Variants in BTBD1 observed in about 807,000 individuals in gnomAD.
BTBD1 encodes BTB domain containing 1.
BTBD1 carries 34 observed loss-of-function variants against 48.0 expected under a neutral mutation model. The ratio of observed to expected loss-of-function variants is 0.71; its 90% confidence interval spans 0.54 to 0.94. The LOEUF is 0.94. BTBD1 is among the 40% of genes least tolerant of loss of function. The pLI is 0.00. For synonymous variants in BTBD1, 261 were observed against 242.1 expected (o/e 1.08, Z -0.72); for missense variants, 543 against 625.6 (o/e 0.87, Z 1.41).
chr15:83,063,211 G>A (rs868206924), intron 1 of BTBD1, among the ~76,000 whole-genome samples: 2 of 152,006 alleles, frequency 1.3e-5, no homozygotes. Flanking sequence ...CTACATATTT[G>A]AAGATTCCAG....
chr15:83,066,894 GC>G lies in BTBD1; in HGVS notation c.257del (p.Gly86AlafsTer48). 2 of 1,508,800 alleles carry G rather than the reference GC, an allele frequency of 1.3e-6. No homozygotes were observed. Among genetic ancestry groups the G allele is most frequent in the Non-Finnish European group, 8.8e-7 (1 of 1,133,136 alleles). The allele number at this position is 1,508,800 out of a possible 1,614,324, so 93.5% of individuals were successfully genotyped here. On this transcript the variant is annotated frameshift_variant, in exon 1 of 8. Transcript: ENST00000261721. LOFTEE classifies it high-confidence loss of function. ...AGCGGTGGGCGGGGATGCGCTGCGG[GC>G]CCCCAGCGGCGGCGGCGCCGCGACC... ...GKGRGAAAAGGPQRIPAHRFV... is the reference protein window; with the variant it reads ...GKGRGAAAAGXPQRIPAHRFV...
chr15:83,044,764 T>C, intron 3 of BTBD1: 5 of 1,439,916 alleles, frequency 3.5e-6, no homozygotes, highest in Non-Finnish European at 4.8e-6. Flanking sequence ...TATGAAAAAG[T>C]AGAATAAAAA....
chr15:83,048,595 C>T (rs919592109), intron 3 of BTBD1, among the ~76,000 whole-genome samples: 4 of 151,984 alleles, frequency 2.6e-5, no homozygotes, highest in African/African-American at 9.7e-5. Context: ...TTCCACTTGC[C>T]GCTAATGCCC....
chr15:83,041,082 G>A (rs769126849), intron 4 of BTBD1, among the ~76,000 whole-genome samples: 24 of 151,186 alleles, frequency 1.6e-4, no homozygotes, highest in African/African-American at 9.7e-5. Context: ...AGCCTGGGAG[G>A]TGGAGGCTTC....
At chr15:83,062,660 G>T (rs1045292052) in intron 1 of BTBD1, among the ~76,000 whole-genome samples, 3 of 152,152 alleles carry the variant, frequency 2.0e-5, no homozygotes, top group African/African-American at 7.2e-5. Flanking sequence ...ATCTGCATGG[G>T]TATAAAACAT....
Position 83,056,379 on chromosome 15 carries a change from A to C in BTBD1, c.558+10T>G, listed in dbSNP as rs779719939. 7 of 1,602,772 alleles carry C rather than the reference A, an allele frequency of 4.4e-6. No homozygotes were observed. The African/African-American group carries it at 6.7e-5, about 15-fold the overall frequency. On this transcript the variant is annotated intron_variant, in intron 2 of 7. Transcript: ENST00000261721. ...CTACAATGATACATACCTTAGCTAC[A>C]TTTACTTACCTGAGTAAGTAACATA...
intron 2 of BTBD1, among the ~76,000 whole-genome samples, chr15:83,052,089 TG>T (rs2032998739): frequency 6.6e-6 from 1 of 152,118 alleles, no homozygotes; most frequent in African/African-American, 2.4e-5. Flanking sequence ...CCTGAGTAGC[TG>T]GGACCACAGG....
intron 1 of BTBD1, among the ~76,000 whole-genome samples, chr15:83,065,944 G>C (rs551128130): frequency 2.6e-5 from 4 of 152,170 alleles, no homozygotes; most frequent in Admixed American, 2.0e-4. Context: ...GTCTGTTTTC[G>C]TATTTACTTT....
At position 83,027,601 on chromosome 15, in the gene BTBD1, C is replaced by T. The variant is rs1303174007; in HGVS notation, c.1055+2535G>A. ...GAAAGTAGAGCCTTGCCTTGTTCAG[C>T]CACAGCTGGAAACGTGCTGGTCTGG... On this transcript the variant is annotated intron_variant, in intron 5 of 7. Coordinates refer to ENST00000261721, the MANE Select transcript of BTBD1 (RefSeq NM_025238.4). Among the ~76,000 whole-genome samples, 19 of 152,236 alleles carry T rather than the reference C, an allele frequency of 1.2e-4. 1 individual carries two copies. In the South Asian group the frequency reaches 3.1e-3, roughly 25 times the overall value.
intron 4 of BTBD1, among the ~76,000 whole-genome samples, chr15:83,034,460 AAAATTTAGCAGGGTGTGG>A (rs2032587091): frequency 6.6e-6 from 1 of 152,116 alleles, no homozygotes; most frequent in Non-Finnish European, 1.5e-5. Context: ...CTAAAAATAC[AAAATTTAGCAGGGTGTGG>A]TGGTGCACAC....
chr15:83,060,347 G>A (rs547125568), intron 1 of BTBD1, among the ~76,000 whole-genome samples: 29 of 150,000 alleles, frequency 1.9e-4, no homozygotes, highest in African/African-American at 6.4e-4. Context: ...ACAATTCTTC[G>A]TATTTTAAAG....
chr15:83,059,539 C>G lies in BTBD1; in HGVS notation c.402-2994G>C, dbSNP rs971509955. On this transcript the variant is annotated intron_variant, in intron 1 of 7. Coordinates refer to ENST00000261721, the MANE Select transcript of BTBD1 (RefSeq NM_025238.4). ...CAGCCTGGGCGACAGAGCAAGACTCCGTCTCAAAAACAACAACAACAACAA... is the reference window on the plus strand; with the variant it reads ...CAGCCTGGGCGACAGAGCAAGACTCGGTCTCAAAAACAACAACAACAACAA... Among the ~76,000 whole-genome samples, 18 of 152,230 alleles carry G rather than the reference C, an allele frequency of 1.2e-4. No homozygotes were observed. In the East Asian group the frequency reaches 3.3e-3, roughly 28 times the overall value.
At chr15:83,064,903 T>C (rs2033234741) in intron 1 of BTBD1, among the ~76,000 whole-genome samples, 2 of 152,168 alleles carry the variant, frequency 1.3e-5, no homozygotes, top group Admixed American at 6.5e-5. Flanking sequence ...ACAGAAAATA[T>C]CAGAAACAAA....
chr15:83,020,647 T>C, intron 6 of BTBD1, 28 bp downstream of exon 6: 4 of 1,373,066 alleles, frequency 2.9e-6, no homozygotes, highest in Non-Finnish European at 4.1e-6. Context: ...TATTTCAAAA[T>C]GATATATGGT....
chr15:83,056,398 T>C lies in BTBD1; in HGVS notation c.549A>G (p.Leu183=). Residue 183 remains leucine, a synonymous_variant, in exon 2 of 8, where the codon TTA becomes TTG. Transcript: ENST00000261721. ...KHLRADNAFM[L]LTQARLFDEP... is the part of the protein sequence containing the mutation. ...AGCTACATTTACTTACCTGAGTAAGTAACATAAAGGCATTATCTGCCCTAA... is the reference window on the plus strand; with the variant it reads ...AGCTACATTTACTTACCTGAGTAAGCAACATAAAGGCATTATCTGCCCTAA... The C allele has an allele frequency of 1.9e-6, 3 of 1,612,948 alleles. No individual in the cohort carries two copies. Among genetic ancestry groups the C allele is most frequent in the Non-Finnish European group, 1.7e-6 (2 of 1,178,982 alleles).
Position 83,018,137 on chromosome 15 carries a change from C to T in BTBD1, c.1379G>A (p.Ser460Asn), listed in dbSNP as rs757330656. The change falls in exon 8 of 8, where the codon AGT becomes AAT. Residue 460 changes from serine to asparagine, a missense_variant. Coordinates refer to ENST00000261721, the MANE Select transcript of BTBD1 (RefSeq NM_025238.4). ...AASKTVFFFF[S>N]SPGNNNGTSI... ...AGTGCCATTATTATTGCCAGGGGAACTAAAAAAGAAAAAAACAGTCTTGCT... is the reference window on the plus strand; with the variant it reads ...AGTGCCATTATTATTGCCAGGGGAATTAAAAAAGAAAAAAACAGTCTTGCT... The T allele has an allele frequency of 2.5e-6, 4 of 1,611,828 alleles. No homozygotes were observed. In the South Asian group the frequency reaches 4.4e-5, roughly 18 times the overall value.
chr15:83,039,570 C>T (rs1478021789), intron 4 of BTBD1, among the ~76,000 whole-genome samples: 3 of 151,934 alleles, frequency 2.0e-5, no homozygotes, highest in Non-Finnish European at 4.4e-5. Context: ...GTCAACAGTT[C>T]AAGACCAGCC....
At chr15:83,043,295 G>T (rs765077752) in intron 3 of BTBD1, among the ~76,000 whole-genome samples, 11 of 152,178 alleles carry the variant, frequency 7.2e-5, no homozygotes, top group Non-Finnish European at 1.3e-4. Flanking sequence ...AGTGTGCCTG[G>T]CATATCTGAG....
chr15:83,066,782 C>A lies in BTBD1; in HGVS notation c.370G>T (p.Val124Leu). Residue 124 changes from valine (V) to leucine (L), a missense_variant, in exon 1 of 8, where the codon GTG (valine) becomes TTG (leucine). Physicochemically the swap from Val to Leu is conservative, Grantham distance 32. Around this residue, in one of 3 missense-constraint regions of BTBD1, gnomAD observed 70 missense variants for 111.7 expected, o/e 0.63. Coordinates refer to ENST00000261721, the MANE Select transcript of BTBD1 (RefSeq NM_025238.4). ...AGCGCCAGGAAGGCTGCGGGCTCCA[C>A]GTCCGGCAGCTCGATCTCGGCCGAC... Reference protein sequence around the residue: ...TTSAEIELPDVEPAAFLALLR... With the variant: ...TTSAEIELPDLEPAAFLALLR... 2.1e-6 allele frequency: 3 copies of A among 1,431,844 alleles called. No homozygotes were observed. The highest frequency in any genetic ancestry group is 2.7e-6 in the Non-Finnish European group (3 of 1,097,394). The allele number at this position is 1,431,844 out of a possible 1,614,324, so 88.7% of individuals were successfully genotyped here.
Sources: allele counts gnomAD v4.1 joint callset (sites outside exome capture counted in the v4.1 genomes callset), GRCh38; gene constraint gnomAD v4.1.1; regional missense constraint gnomAD v4.1.1; transcripts MANE v1.5; gene names NCBI Gene and HGNC (gene_info 2026-07-23, HGNC 2026-07-21).